Variants in LMBRD1 observed in about 807,000 individuals in gnomAD.
The protein encoded by LMBRD1 is lysosomal cobalamin transport escort protein LMBD1.
In LMBRD1, 64 loss-of-function variants were observed where a neutral mutation model predicts 74.8. The ratio of observed to expected loss-of-function variants is 0.86; its 90% CI spans 0.70 to 1.05. The LOEUF (loss-of-function observed/expected upper bound fraction) is 1.05, where lower values mean the gene tolerates loss of function less well. Among genes scored for constraint, LMBRD1 ranks in the 50% least tolerant of loss-of-function variants. The pLI, the probability that LMBRD1 is intolerant of heterozygous loss-of-function variation, is 0.00. For synonymous variants in LMBRD1, 204 were observed against 216.3 expected, an observed-to-expected ratio of 0.94 and a Z score of 0.50; for missense variants, 652 against 645.9, an observed-to-expected ratio of 1.01 and a Z score of -0.10.
chr6:69,695,316 A>C (rs1329526685), intron 14 of LMBRD1, among the ~76,000 whole-genome samples: 4 of 151,972 alleles, frequency 2.6e-5, no homozygotes, highest in African/African-American at 9.7e-5. Flanking sequence ...TCTAACATTA[A>C]ATTTTTTCTC....
chr6:69,713,465 G>T (rs1296543586), intron 9 of LMBRD1, among the ~76,000 whole-genome samples, 180 bp downstream of exon 9: 3 of 152,116 alleles, frequency 2.0e-5, no homozygotes, highest in Admixed American at 1.3e-4. Context: ...ACATTGCTCA[G>T]AAAGGTTATG....
intron 2 of LMBRD1, among the ~76,000 whole-genome samples, chr6:69,783,084 C>G (rs555274717): frequency 2.0e-5 from 3 of 152,136 alleles, no homozygotes; most frequent in African/African-American, 7.2e-5. Flanking sequence ...TAGGAGGAAA[C>G]AGAACAAATC....
At chr6:69,698,943 T>C in intron 13 of LMBRD1, 100 bp downstream of exon 13, 1 of 768,558 alleles carries the variant, frequency 1.3e-6, no homozygotes, top group Non-Finnish European at 2.1e-6. Flanking sequence ...TATAATCTGA[T>C]GAGCTAATAT....
At chr6:69,754,199 G>A (rs184810477) in intron 3 of LMBRD1, among the ~76,000 whole-genome samples, 1 of 152,178 alleles carries the variant, frequency 6.6e-6, no homozygotes, top group African/African-American at 2.4e-5. Context: ...GATGGAAAGT[G>A]TTATGGAGAT....
chr6:69,740,721 C>T (rs896637857), intron 6 of LMBRD1, among the ~76,000 whole-genome samples: 1 of 152,048 alleles, frequency 6.6e-6, no homozygotes, highest in Non-Finnish European at 1.5e-5. Context: ...TGTACAGTAC[C>T]TATTAGAATA....
At chr6:69,774,225 T>C (rs1167100442) in intron 3 of LMBRD1, among the ~76,000 whole-genome samples, 3 of 152,344 alleles carry the variant, frequency 2.0e-5, no homozygotes, top group Non-Finnish European at 2.9e-5. Flanking sequence ...GCACATGCTC[T>C]TGCCTGCCAC....
At chr6:69,734,693 G>A (rs1329403631) in intron 7 of LMBRD1, among the ~76,000 whole-genome samples, 1 of 152,122 alleles carries the variant, frequency 6.6e-6, no homozygotes, top group Non-Finnish European at 1.5e-5. Context: ...ATTGTGCCTG[G>A]CAACAAAACC....
chr6:69,776,691 C>T (rs939556527), intron 3 of LMBRD1, among the ~76,000 whole-genome samples: 3 of 152,158 alleles, frequency 2.0e-5, no homozygotes, highest in South Asian at 4.1e-4. Context: ...TGCACATGCA[C>T]GAGACATCTT....
intron 6 of LMBRD1, among the ~76,000 whole-genome samples, chr6:69,741,279 G>A (rs1029238826): frequency 4.6e-5 from 7 of 152,146 alleles, no homozygotes; most frequent in Middle Eastern, 3.4e-3. Flanking sequence ...AAATAGCTAC[G>A]TAATAGCTAG....
At chr6:69,719,714 G>A (rs1351657633) in intron 7 of LMBRD1, among the ~76,000 whole-genome samples, 3 of 152,006 alleles carry the variant, frequency 2.0e-5, no homozygotes, top group African/African-American at 7.3e-5. Flanking sequence ...AATACTTAAT[G>A]GCATCTGCTA....
chr6:69,757,506 T>A (rs1765291272), intron 3 of LMBRD1, among the ~76,000 whole-genome samples: 1 of 152,242 alleles, frequency 6.6e-6, no homozygotes, highest in South Asian at 2.1e-4. Context: ...CTTCTAATAA[T>A]CTGTTCTTTC....
rs148944351 is a variant in LMBRD1, at chr6:69,700,140, T to C, written c.1188+625A>G. ...ACTTTTTGAGCTACTGAAGCAATAC[T>C]AGATTCTTTTTTTCCATAGCAAGAA... On this transcript the variant is annotated intron_variant, in intron 12 of 15. Coordinates refer to ENST00000649934, the MANE Select transcript of LMBRD1 (RefSeq NM_018368.4). Among the ~76,000 whole-genome samples the C allele has an allele frequency of 9.9e-5, 15 of 152,004 alleles. No homozygotes were observed. The East Asian group carries it at 2.9e-3, about 29-fold the overall frequency.
At chr6:69,761,420 T>C (rs1173323585) in intron 3 of LMBRD1, among the ~76,000 whole-genome samples, 1 of 152,188 alleles carries the variant, frequency 6.6e-6, no homozygotes, top group Non-Finnish European at 1.5e-5. Context: ...TTCCAATGTA[T>C]AAGCCTTAGT....
intron 7 of LMBRD1, among the ~76,000 whole-genome samples, chr6:69,728,140 C>A (rs1158701435): frequency 6.6e-6 from 1 of 152,138 alleles, no homozygotes; most frequent in African/African-American, 2.4e-5. Flanking sequence ...AAGGGGGAAG[C>A]CAGCACGTTA....
chr6:69,749,777 A>G (rs934225722), intron 4 of LMBRD1, among the ~76,000 whole-genome samples: 1 of 150,878 alleles, frequency 6.6e-6, no homozygotes, highest in Non-Finnish European at 1.5e-5. Context: ...GTTTATAACA[A>G]TAATAAACAC....
chr6:69,735,242 A>C (rs547272029), intron 7 of LMBRD1, among the ~76,000 whole-genome samples: 39 of 152,258 alleles, frequency 2.6e-4, no homozygotes, highest in African/African-American at 9.4e-4. Context: ...TGCAGGGTGC[A>C]CTCACACATA....
At chr6:69,769,913 C>T (rs1284296348) in intron 3 of LMBRD1, among the ~76,000 whole-genome samples, 1 of 152,130 alleles carries the variant, frequency 6.6e-6, no homozygotes, top group African/African-American at 2.4e-5. Flanking sequence ...ACTTCCAGCC[C>T]TTCCTTGCCA....
chr6:69,701,538 T>C lies in LMBRD1; in HGVS notation c.988A>G (p.Lys330Glu), dbSNP rs1424321688. The change falls in exon 11 of 16, where the codon AAA (lysine) becomes GAA (glutamate). Residue 330 changes from lysine (K) to glutamate (E), a missense_variant. Physicochemically the swap from Lys to Glu is moderately conservative, Grantham distance 56. Around this residue, in one of 3 missense-constraint regions of LMBRD1, gnomAD observed 598 missense variants for 581.8 expected, o/e 1.03. Transcript: ENST00000649934. ...TCTATTCCAGCTGAATGAAGAGCTT[T>C]ATCTAAACTAAAAAAAATTACAAAG... ...VISLFLSNLDKALHSAGIDSG... is the reference protein window; with the variant it reads ...VISLFLSNLDEALHSAGIDSG... 5 of 1,585,998 alleles carry C rather than the reference T, an allele frequency of 3.2e-6. No homozygotes were observed. Among genetic ancestry groups the C allele is most frequent in the African/African-American group, 1.3e-5 (1 of 74,156 alleles).
chr6:69,707,557 C>T (rs1766287090), intron 9 of LMBRD1, among the ~76,000 whole-genome samples: 2 of 151,990 alleles, frequency 1.3e-5, no homozygotes, highest in Non-Finnish European at 2.9e-5. Flanking sequence ...TCTTTAAACA[C>T]CGTTTATTTT....
Sources: allele counts gnomAD v4.1 joint callset (sites outside exome capture counted in the v4.1 genomes callset), GRCh38; gene constraint gnomAD v4.1.1; regional missense constraint gnomAD v4.1.1; transcripts MANE v1.5; gene names NCBI Gene and HGNC (gene_info 2026-07-23, HGNC 2026-07-21).